Variants in THOC2 observed in about 807,000 individuals in gnomAD.
THOC2 encodes THO complex subunit 2.
THOC2 carries 10 observed loss-of-function variants against 128.4 expected under a neutral mutation model. The ratio of observed to expected loss-of-function variants is 0.08; its 90% CI spans 0.05 to 0.13. The LOEUF is 0.13. Among genes scored for constraint, THOC2 ranks in the 10% least tolerant of loss-of-function variants. The pLI, the probability that THOC2 is intolerant of heterozygous loss-of-function variation, is 1.00. For missense variants in THOC2, 535 were observed against 1,155.7 expected, an observed-to-expected ratio of 0.46 and a Z score of 7.79; for synonymous variants, 393 against 396.9, an observed-to-expected ratio of 0.99 and a Z score of 0.12.
Position 123,651,733 on chromosome X carries a change from C to A in THOC2, c.1387-6358G>T, listed in dbSNP as rs189948391. ...AATTCCTGGACACATACGCCCCCCC[C>A]CCAAGACTAAACCAGGAAGAAGTGG... is the stretch of plus-strand genomic sequence containing the variant. On this transcript the variant is annotated intron_variant, in intron 12 of 38. Coordinates refer to ENST00000245838, the MANE Select transcript of THOC2 (RefSeq NM_001081550.2). 9.4e-4 allele frequency among the ~76,000 whole-genome samples: 101 copies of A among 107,198 alleles called. 3 individuals are homozygous for A. Among genetic ancestry groups the A allele is most frequent in the African/African-American group, 3.0e-3 (87 of 29,366 alleles). 93.1% of individuals were successfully genotyped at this position (107,198 alleles called of 115,157 possible). A position where few individuals can be genotyped will look rare whatever the true frequency, so the allele number is the denominator to read the frequency against.
rs747486098 is a variant in THOC2 at position 123,643,510 on chromosome X, G to A, written c.1661+1065C>T. ...CTTAGTTTAATGCCTGGCACATACAGTAATAGCTCCCTAAATATTAGCTGC... is the reference window on the plus strand; with the variant it reads ...CTTAGTTTAATGCCTGGCACATACAATAATAGCTCCCTAAATATTAGCTGC... On this transcript the variant is annotated intron_variant, in intron 15 of 38. Coordinates refer to ENST00000245838, the MANE Select transcript of THOC2 (RefSeq NM_001081550.2). 9.9e-5 allele frequency among the ~76,000 whole-genome samples: 11 copies of A among 111,220 alleles called. 1 individual carries two copies. In the South Asian group the frequency reaches 3.1e-3, roughly 31 times the overall value.
chrX:123,678,799 C>T (rs946095157), intron 8 of THOC2, among the ~76,000 whole-genome samples: 1 of 110,157 alleles, frequency 9.1e-6, no homozygotes, highest in Non-Finnish European at 1.9e-5. Flanking sequence ...CTCCTAACCT[C>T]CAATACCTCC....
chrX:123,630,072 C>A (rs1312436846), intron 22 of THOC2, among the ~76,000 whole-genome samples: 3 of 111,667 alleles, frequency 2.7e-5, no homozygotes, highest in African/African-American at 9.8e-5. Context: ...CTAGGAACCC[C>A]ATAGTCACTA....
At chrX:123,679,901 A>G (rs1159279744) in intron 8 of THOC2, among the ~76,000 whole-genome samples, 2 of 112,200 alleles carry the variant, frequency 1.8e-5, no homozygotes, top group Non-Finnish European at 3.8e-5. Context: ...AAGAGTCATC[A>G]CCACTCCCTA....
At chrX:123,683,803 T>C (rs2049891154) in intron 8 of THOC2, among the ~76,000 whole-genome samples, 1 of 110,338 alleles carries the variant, frequency 9.1e-6, no homozygotes, top group Non-Finnish European at 1.9e-5. Flanking sequence ...TTTTTCCACG[T>C]TGTTCAGGCT....
At chrX:123,675,608 A>C (rs1212724233) in intron 8 of THOC2, among the ~76,000 whole-genome samples, 5 of 109,147 alleles carry the variant, frequency 4.6e-5, no homozygotes, top group African/African-American at 1.0e-4. Flanking sequence ...GTGCCACTGC[A>C]CTTCAGCCTG....
chrX:123,683,919 T>C (rs2049895178), intron 8 of THOC2, among the ~76,000 whole-genome samples: 1 of 110,542 alleles, frequency 9.0e-6, no homozygotes, highest in Non-Finnish European at 1.9e-5. Context: ...GTTCTAACAA[T>C]AGAAACAAAG....
chrX:123,631,120 T>C (rs1326672350), intron 22 of THOC2, among the ~76,000 whole-genome samples: 1 of 112,082 alleles, frequency 8.9e-6, no homozygotes, highest in African/African-American at 3.2e-5. Context: ...TATTGCTGAT[T>C]AGTGTGTTCA....
At chrX:123,636,940 A>G (rs1419297843) in intron 18 of THOC2, among the ~76,000 whole-genome samples, 2 of 112,293 alleles carry the variant, frequency 1.8e-5, no homozygotes, top group Non-Finnish European at 3.8e-5. Context: ...ATGGGAATAT[A>G]AAAGAGGAGC....
chrX:123,677,159 G>A (rs1006280429), intron 8 of THOC2, among the ~76,000 whole-genome samples: 1 of 111,339 alleles, frequency 9.0e-6, no homozygotes, highest in Non-Finnish European at 1.9e-5. Flanking sequence ...ACAATGATAA[G>A]TGTTTGTGTA....
intron 17 of THOC2, 94 bp from the exon 18 acceptor site, chrX:123,638,217 C>T: frequency 2.0e-6 from 1 of 495,092 alleles, no homozygotes; most frequent in Non-Finnish European, 3.3e-6. Context: ...AATTGTTGGT[C>T]ATTACAAATT....
At chrX:123,659,229 C>T (rs901999766) in intron 12 of THOC2, among the ~76,000 whole-genome samples, 1 of 112,084 alleles carries the variant, frequency 8.9e-6, no homozygotes, top group African/African-American at 3.2e-5. Context: ...GGTCTCATCT[C>T]AAGACCTACT....
intron 4 of THOC2, among the ~76,000 whole-genome samples, chrX:123,700,997 G>T (rs761482299): frequency 6.3e-5 from 7 of 110,938 alleles, no homozygotes; most frequent in Admixed American, 2.9e-4. Context: ...GGGTAGGTGA[G>T]TGAGGGAGCA....
intron 1 of THOC2, among the ~76,000 whole-genome samples, chrX:123,730,653 A>C (rs1409916712): frequency 8.9e-6 from 1 of 112,109 alleles, no homozygotes. Context: ...TTCACCTTAT[A>C]GCCCTAATAC....
intron 33 of THOC2, among the ~76,000 whole-genome samples, chrX:123,616,448 A>G (rs2046896730): frequency 9.0e-6 from 1 of 111,111 alleles, no homozygotes; most frequent in Non-Finnish European, 1.9e-5. Context: ...TAAGGTCCAA[A>G]AAAGAATTTG....
chrX:123,649,554 C>A (rs1417502597), intron 12 of THOC2, among the ~76,000 whole-genome samples: 1 of 110,339 alleles, frequency 9.1e-6, no homozygotes, highest in Non-Finnish European at 1.9e-5. Context: ...AGCTAAGAAC[C>A]TTGAAAAAAG....
Position 123,639,016 on chromosome X carries a change from T to C in THOC2, c.1758A>G (p.Gln586=), listed in dbSNP as rs1233248895. 1 of 1,151,687 alleles carries C rather than the reference T, an allele frequency of 8.7e-7. No homozygotes were observed. The highest frequency in any genetic ancestry group is 1.2e-6 in the Non-Finnish European group (1 of 849,859). The allele number at this position is 1,151,687 out of a possible 1,213,427, so 94.9% of individuals were successfully genotyped here. Reference sequence around the variant, plus strand: ...TTATTAAGTTATCATACTTCTGTATTTGTGACAAGATCTGGAAAACAGCAA... The same window carrying C: ...TTATTAAGTTATCATACTTCTGTATCTGTGACAAGATCTGGAAAACAGCAA... ...PTILFDYILS[Q]IQKYDNLITP... Residue 586 remains glutamine, a synonymous_variant, in exon 17 of 39, where the codon CAA becomes CAG. Coordinates refer to ENST00000245838, the MANE Select transcript of THOC2 (RefSeq NM_001081550.2).
chrX:123,671,601 G>T, intron 9 of THOC2, 68 bp downstream of exon 9: 1 of 655,231 alleles, frequency 1.5e-6, no homozygotes, highest in Non-Finnish European at 2.3e-6. Context: ...GTGCTATGTG[G>T]CTACCTACTC....
At position 123,620,981 on chromosome X, in the gene THOC2, G is replaced by T; in HGVS notation, c.4217-16C>A. ...CGTTTTTGTTCTGTTAAGACAAAAAGAAATAGTCAGAATAAGGTACATTTC... is the reference window on the plus strand; with the variant it reads ...CGTTTTTGTTCTGTTAAGACAAAAATAAATAGTCAGAATAAGGTACATTTC... On this transcript the variant is annotated splice_polypyrimidine_tract_variant and intron_variant, in intron 31 of 38. Coordinates refer to ENST00000245838, the MANE Select transcript of THOC2 (RefSeq NM_001081550.2). 8.3e-7 allele frequency: 1 copy of T among 1,201,492 alleles called. No individual in the cohort carries two copies.
Sources: gnomAD v4.1 joint callset for allele counts (sites outside exome capture counted in the v4.1 genomes callset) on GRCh38, gnomAD v4.1.1 for gene constraint, MANE v1.5 for transcripts, NCBI Gene and HGNC (gene_info 2026-07-23, HGNC 2026-07-21) for gene names.